Variants in KIAA0586 observed in about 807,000 individuals in gnomAD.
The protein encoded by KIAA0586 is KIAA0586, also known as protein TALPID3.
In KIAA0586, 144 loss-of-function variants were observed where a neutral mutation model predicts 169.8. That is an observed-to-expected ratio of 0.85 (90% CI 0.74 to 0.97). KIAA0586 has a LOEUF of 0.97. Ranked by LOEUF, KIAA0586 falls within the 50% of genes least tolerant of loss-of-function variation. KIAA0586 has a pLI of 0.00. For synonymous variants in KIAA0586, 625 were observed against 612.4 expected, an observed-to-expected ratio of 1.02 and a Z score of -0.30; for missense variants, 1,854 against 1,823.0, an observed-to-expected ratio of 1.02 and a Z score of -0.31.
At chr14:58,525,598 C>T (rs141811011) in intron 29 of KIAA0586, among the ~76,000 whole-genome samples, 3 of 152,186 alleles carry the variant, frequency 2.0e-5, no homozygotes, top group Admixed American at 6.5e-5. Flanking sequence ...GCCTACACCA[C>T]GAGGGCCCTA....
chr14:58,430,185 C>G (rs548697785), intron 2 of KIAA0586, among the ~76,000 whole-genome samples: 1 of 150,142 alleles, frequency 6.7e-6, no homozygotes, highest in East Asian at 1.9e-4. Flanking sequence ...TTTTTTTAAG[C>G]AGGCCTTATT....
In KIAA0586 at chr14:58,514,756, A is replaced by G. The variant is rs543689470; in HGVS notation, c.4429+2129A>G. On this transcript the variant is annotated intron_variant, in intron 29 of 30. Transcript: ENST00000652326. ...ATTTGGTATTGAATTTATTGGGTCT[A>G]TCTTTGACCACGTGATACCACTTAC... is the stretch of plus-strand genomic sequence containing the variant. 1.6e-4 allele frequency among the ~76,000 whole-genome samples: 24 copies of G among 152,186 alleles called. 2 individuals are homozygous for G. The highest frequency in any genetic ancestry group is 6.5e-4 in the Admixed American group (10 of 15,288).
chr14:58,497,218 C>G (rs1428211134), intron 26 of KIAA0586, among the ~76,000 whole-genome samples: 1 of 152,052 alleles, frequency 6.6e-6, no homozygotes. Flanking sequence ...GGTGATCCAC[C>G]CACCTCGGCC....
At chr14:58,541,472 G>A (rs2046630589) in intron 30 of KIAA0586, among the ~76,000 whole-genome samples, 1 of 152,164 alleles carries the variant, frequency 6.6e-6, no homozygotes, top group Non-Finnish European at 1.5e-5. Flanking sequence ...AGAAATGACA[G>A]ATACATAAAT....
At chr14:58,440,273 T>A (rs1423721278) in intron 4 of KIAA0586, 1 of 412,004 alleles carries the variant, frequency 2.4e-6, no homozygotes, top group Non-Finnish European at 4.8e-6. Context: ...CTGCTCTGCT[T>A]TTCTCTTTTC....
intron 26 of KIAA0586, among the ~76,000 whole-genome samples, chr14:58,495,020 G>A (rs188579182): frequency 7.2e-5 from 11 of 152,102 alleles, no homozygotes; most frequent in Non-Finnish European, 1.0e-4. Flanking sequence ...CTTTCCACGC[G>A]TTCCAGTTTG....
At chr14:58,512,665 T>C in intron 29 of KIAA0586, 38 bp downstream of exon 29, 1 of 1,046,768 alleles carries the variant, frequency 9.6e-7, no homozygotes. Flanking sequence ...AATAGTTTGA[T>C]ACTTGTCTGA....
chr14:58,543,447 A>T (rs570827967), intron 30 of KIAA0586, among the ~76,000 whole-genome samples: 9 of 152,176 alleles, frequency 5.9e-5, no homozygotes, highest in Non-Finnish European at 8.8e-5. Flanking sequence ...TGCACAGTTG[A>T]TATCTGTTGG....
At chr14:58,442,680 C>G in intron 4 of KIAA0586, 26 bp from the exon 5 acceptor site, 1 of 1,471,150 alleles carries the variant, frequency 6.8e-7, no homozygotes, top group African/African-American at 1.4e-5. Flanking sequence ...TTACTGAATA[C>G]ATTTTTATTG....
intron 29 of KIAA0586, chr14:58,521,774 G>A (rs1163048546): frequency 3.5e-5 from 28 of 803,048 alleles, no homozygotes; most frequent in East Asian, 2.0e-4. Flanking sequence ...ATGATAAGTC[G>A]GAAGAGGAGC....
At position 58,487,075 on chromosome 14, in the gene KIAA0586, G is replaced by A. The variant is rs2042505040; in HGVS notation, c.3213G>A (p.Lys1071=). 1 of 1,613,578 alleles carries A rather than the reference G, an allele frequency of 6.2e-7. No individual in the cohort carries two copies. Among genetic ancestry groups the A allele is most frequent in the Non-Finnish European group, 8.5e-7 (1 of 1,179,564 alleles). Reference sequence around the variant, plus strand: ...CTTGCTCACCTTCATCACCTGCTAAGGAGTGTGTTTTGGTAAAGACTCCAG... The same window carrying A: ...CTTGCTCACCTTCATCACCTGCTAAAGAGTGTGTTTTGGTAAAGACTCCAG... The part of the protein sequence containing the change: ...TPPCSPSSPA[K]ECVLVKTPDS... The change falls in exon 22 of 31, where the codon AAG becomes AAA. Residue 1071 remains lysine (K), a synonymous_variant. Transcript: ENST00000652326.
intron 2 of KIAA0586, among the ~76,000 whole-genome samples, chr14:58,430,088 C>T (rs559958458): frequency 1.3e-5 from 2 of 151,694 alleles, no homozygotes; most frequent in South Asian, 2.1e-4. Flanking sequence ...GTCAAAAGCT[C>T]ACAATAAAAT....
chr14:58,529,532 G>A (rs1201726616), intron 29 of KIAA0586, among the ~76,000 whole-genome samples: 5 of 152,118 alleles, frequency 3.3e-5, no homozygotes, highest in African/African-American at 1.2e-4. Context: ...TTCATCCCTG[G>A]GGTGCAAGGC....
At chr14:58,529,278 A>G (rs1230710580) in intron 29 of KIAA0586, among the ~76,000 whole-genome samples, 1 of 152,218 alleles carries the variant, frequency 6.6e-6, no homozygotes, top group Non-Finnish European at 1.5e-5. Flanking sequence ...CCAGAGGTAC[A>G]AAGAGGAGCT....
At chr14:58,486,059 A>G (rs2042415428) in intron 21 of KIAA0586, among the ~76,000 whole-genome samples, 1 of 152,194 alleles carries the variant, frequency 6.6e-6, no homozygotes, top group Non-Finnish European at 1.5e-5. Context: ...TAGTAAGTGT[A>G]GTACCCAAAA....
chr14:58,467,812 ACTT>A lies in KIAA0586; in HGVS notation c.2335_2337del (p.Ser779del). 1.2e-6 allele frequency: 2 copies of A among 1,613,582 alleles called. No homozygotes were observed. Among genetic ancestry groups the A allele is most frequent in the East Asian group, 2.2e-5 (1 of 44,866 alleles). Reference sequence around the variant, plus strand: ...CAAGCCACACCCTGTAACTGTGACTACTTCTATTCCTCCATCATCTCGAAAAGT... The same window carrying A: ...CAAGCCACACCCTGTAACTGTGACTACTATTCCTCCATCATCTCGAAAAGT... On this transcript the variant is annotated inframe_deletion, in exon 16 of 31. Coordinates refer to ENST00000652326, the MANE Select transcript of KIAA0586 (RefSeq NM_001329943.3).
chr14:58,498,025 C>A (rs1348518046), intron 26 of KIAA0586, among the ~76,000 whole-genome samples: 2 of 151,852 alleles, frequency 1.3e-5, no homozygotes, highest in Admixed American at 6.6e-5. Flanking sequence ...CTACAGGTGC[C>A]TGCCACCATG....
chr14:58,477,914 C>T (rs1348619030), intron 20 of KIAA0586, among the ~76,000 whole-genome samples: 1 of 151,896 alleles, frequency 6.6e-6, no homozygotes, highest in Non-Finnish European at 1.5e-5. Context: ...TCCTCTTCCT[C>T]CTGTTTTTCT....
rs1290825400 is a variant in KIAA0586, at chr14:58,550,433, A to G, written c.*2501A>G. The G allele has an allele frequency of 1.3e-5, 2 of 152,216 alleles. No individual in the cohort carries two copies. Among genetic ancestry groups the G allele is most frequent in the African/African-American group, 4.8e-5 (2 of 41,440 alleles). 9.4% of individuals were successfully genotyped at this position (152,216 alleles called of 1,614,324 possible). A position where few individuals can be genotyped will look rare whatever the true frequency, so the allele number is the denominator to read the frequency against. Reference sequence around the variant, plus strand: ...CAAACTAAATGGAACTTTTGATTTTATAAGCTTTAAAATTTTTATTTTATA... The same window carrying G: ...CAAACTAAATGGAACTTTTGATTTTGTAAGCTTTAAAATTTTTATTTTATA... On this transcript the variant is annotated 3_prime_UTR_variant, in exon 31 of 31. Transcript: ENST00000652326.
Sources: gnomAD v4.1 joint callset for allele counts (sites outside exome capture counted in the v4.1 genomes callset) on GRCh38, gnomAD v4.1.1 for gene constraint, MANE v1.5 for transcripts, NCBI Gene and HGNC (gene_info 2026-07-23, HGNC 2026-07-21) for gene names.